RNF25: variants seen among roughly 807,000 people sequenced by gnomAD.
The protein encoded by RNF25 is E3 ubiquitin-protein ligase RNF25.
Under a neutral mutation model 65.0 loss-of-function variants are expected in RNF25, and 32 were observed. That is an observed-to-expected ratio of 0.49 (90% CI 0.37 to 0.66). The LOEUF is 0.66. RNF25 is among the 30% of genes least tolerant of loss of function. RNF25 has a pLI of 0.00. For missense variants in RNF25, 493 were observed against 584.8 expected, an observed-to-expected ratio of 0.84 and a Z score of 1.62; for synonymous variants, 207 against 221.2, an observed-to-expected ratio of 0.94 and a Z score of 0.57.
chr2:218,669,300 G>A (rs1939899514), intron 1 of RNF25, among the ~76,000 whole-genome samples: 1 of 152,200 alleles, frequency 6.6e-6, no homozygotes, highest in African/African-American at 2.4e-5. Flanking sequence ...TGACCTCTCT[G>A]TAAGCTTAAG....
At position 218,671,987 on chromosome 2, in the gene RNF25, A is replaced by G. The variant is rs1415655491; in HGVS notation, c.-17T>C. On this transcript the variant is annotated 5_prime_UTR_variant, in exon 1 of 10. Coordinates refer to ENST00000295704, the MANE Select transcript of RNF25 (RefSeq NM_022453.3). Reference sequence around the variant, plus strand: ...CGCCGCCATATCTTCACCGGCCCGCAGCCGGAACCGGAAATGCCCTTAGGG... The same window carrying G: ...CGCCGCCATATCTTCACCGGCCCGCGGCCGGAACCGGAAATGCCCTTAGGG... The G allele has an allele frequency of 6.2e-7, 1 of 1,614,082 alleles. No homozygotes were observed. The highest frequency in any genetic ancestry group is 1.3e-5 in the African/African-American group (1 of 74,936).
rs1016397065 is a variant in RNF25, at chr2:218,671,831, C to T, written c.41+99G>A. On this transcript the variant is annotated intron_variant, in intron 1 of 9. Transcript: ENST00000295704. ...CATCTCTGCCATCCCTCATCCCTCG[C>T]TCCACCCCACACGCCCGCCGTACGG... The T allele has an allele frequency of 8.2e-6, 11 of 1,346,600 alleles. No individual in the cohort carries two copies. The African/African-American group carries it at 1.2e-4, about 14-fold the overall frequency. The allele number at this position is 1,346,600 out of a possible 1,614,324, so 83.4% of individuals were successfully genotyped here.
intron 5 of RNF25, 59 bp from the exon 6 acceptor site, chr2:218,666,289 G>T: frequency 7.3e-7 from 1 of 1,368,456 alleles, no homozygotes; most frequent in Non-Finnish European, 1.0e-6. Flanking sequence ...AGCAAGGCCT[G>T]TCTACTACTC....
At position 218,664,558 on chromosome 2, in the gene RNF25, A is replaced by G; in HGVS notation, c.802-23T>C. On this transcript the variant is annotated intron_variant, in intron 9 of 9. Transcript: ENST00000295704. This position sits in a 1 kb window ranked among gnomAD's most constrained non-coding sequence, Gnocchi z 5.1. ...AGGCTAGAAATAAGTGACAAGATGC[A>G]GTGAGGGAGATGCAGTTCCTCAAGG... The G allele has an allele frequency of 3.7e-6, 6 of 1,604,916 alleles. No homozygotes were observed. The highest frequency in any genetic ancestry group is 5.1e-6 in the Non-Finnish European group (6 of 1,174,550).
intron 5 of RNF25, among the ~76,000 whole-genome samples, chr2:218,666,775 G>A (rs143628718): frequency 3.3e-4 from 51 of 152,352 alleles, no homozygotes; most frequent in African/African-American, 1.2e-3. Context: ...CTGCATTGTG[G>A]AGGCCTGACC....
At chr2:218,669,405 T>A (rs1018615777) in intron 1 of RNF25, among the ~76,000 whole-genome samples, 26 of 152,226 alleles carry the variant, frequency 1.7e-4, no homozygotes, top group African/African-American at 6.0e-4. Context: ...CCTAATAGTA[T>A]CTGGGCTATC....
rs35556340 is a variant in RNF25 at position 218,671,266 on chromosome 2, C to CT, written c.41+663dup. ...TATTCTGAGGTAAATGCCACACCCA[C>CT]TTTTTTTTTTTACAGCTGAGGACAC... On this transcript the variant is annotated intron_variant, in intron 1 of 9. Coordinates refer to ENST00000295704, the MANE Select transcript of RNF25 (RefSeq NM_022453.3). 2.7e-3 allele frequency among the ~76,000 whole-genome samples: 393 copies of CT among 148,028 alleles called. 1 individual carries two copies. The highest frequency in any genetic ancestry group is 3.4e-3 in the Middle Eastern group (1 of 290).
Position 218,668,224 on chromosome 2 carries a change from C to G in RNF25, c.219+15G>C. On this transcript the variant is annotated intron_variant, in intron 3 of 9. Coordinates refer to ENST00000295704, the MANE Select transcript of RNF25 (RefSeq NM_022453.3). ...TCCCCTTCCTCCCTTTGCTGCCACACAGTAGGGGCTTCACCTCTGCTGGGA... is the reference window on the plus strand; with the variant it reads ...TCCCCTTCCTCCCTTTGCTGCCACAGAGTAGGGGCTTCACCTCTGCTGGGA... 1 of 1,613,506 alleles carries G rather than the reference C, an allele frequency of 6.2e-7. No homozygotes were observed. The highest frequency in any genetic ancestry group is 8.5e-7 in the Non-Finnish European group (1 of 1,179,426).
Position 218,664,995 on chromosome 2 carries a change from A to C in RNF25, c.667-122T>G. The C allele has an allele frequency of 6.7e-7, 1 of 1,487,328 alleles. No individual in the cohort carries two copies. The highest frequency in any genetic ancestry group is 9.2e-7 in the Non-Finnish European group (1 of 1,091,958). 92.1% of individuals were successfully genotyped at this position (1,487,328 alleles called of 1,614,324 possible). On this transcript the variant is annotated intron_variant, in intron 8 of 9. Coordinates refer to ENST00000295704, the MANE Select transcript of RNF25 (RefSeq NM_022453.3). The surrounding 1 kb of genome is among the most constrained non-coding windows in gnomAD (Gnocchi z 5.1). ...TTGCCCCTCAGGTCTGGGCTCCCAG[A>C]GTCTTAGGCTCCCGCCAGTGGGGGA...
chr2:218,666,372 GT>G, intron 5 of RNF25, 142 bp from the exon 6 acceptor site: 2 of 657,232 alleles, frequency 3.0e-6, no homozygotes, highest in Non-Finnish European at 2.7e-6. Flanking sequence ...TTCTGGCTTG[GT>G]GACGCTCCCT....
At position 218,664,242 on chromosome 2, in the gene RNF25, A is replaced by G; in HGVS notation, c.1095T>C (p.Gly365=). ...GTGGCAGTTCCTGGGTGTCACGGGTACCTTTAGGGGCGTGGCACTCCCCTC... is the reference window on the plus strand; with the variant it reads ...GTGGCAGTTCCTGGGTGTCACGGGTGCCTTTAGGGGCGTGGCACTCCCCTC... ...PKGGECHAPK[G]TRDTQELPPP... The change falls in exon 10 of 10, where the codon GGT becomes GGC. Residue 365 remains glycine (G), a synonymous_variant. Coordinates refer to ENST00000295704, the MANE Select transcript of RNF25 (RefSeq NM_022453.3). This position sits in a 1 kb window ranked among gnomAD's most constrained non-coding sequence, Gnocchi z 5.1. The G allele has an allele frequency of 6.2e-7, 1 of 1,600,194 alleles. No homozygotes were observed.
Position 218,664,931 on chromosome 2 carries a change from C to T in RNF25, c.667-58G>A. 1.2e-6 allele frequency: 2 copies of T among 1,604,360 alleles called. No homozygotes were observed. The highest frequency in any genetic ancestry group is 1.7e-6 in the Non-Finnish European group (2 of 1,175,120). ...AACAGCAGAAGGCTGACTCAAACCT[C>T]TACTCCTCCCAGGCTGCCTCAGGAG... On this transcript the variant is annotated intron_variant, in intron 8 of 9. Transcript: ENST00000295704. The surrounding 1 kb of genome is among the most constrained non-coding windows in gnomAD (Gnocchi z 5.1).
chr2:218,670,034 G>A (rs891643551), intron 1 of RNF25, among the ~76,000 whole-genome samples: 4 of 151,826 alleles, frequency 2.6e-5, no homozygotes, highest in East Asian at 1.9e-4. Flanking sequence ...GCAACAAAGC[G>A]AGACACTATC....
chr2:218,667,886 A>G (rs753976848), intron 5 of RNF25, 26 bp downstream of exon 5: 3 of 1,605,796 alleles, frequency 1.9e-6, no homozygotes, highest in South Asian at 2.2e-5. Context: ...AGGAAAGAAC[A>G]TATCTCAGAC....
Position 218,664,795 on chromosome 2 carries a change from C to G in RNF25, c.745G>C (p.Gly249Arg), listed in dbSNP as rs777134167. Residue 249 changes from glycine (G) to arginine (R), a missense_variant, in exon 9 of 10, where the codon GGG (glycine) becomes CGG (arginine). Gly to Arg is a moderately radical substitution (Grantham distance 125). Transcript: ENST00000295704. The surrounding 1 kb of genome is among the most constrained non-coding windows in gnomAD (Gnocchi z 5.1). Reference protein sequence around the residue: ...KRLYQRQQERGGIIDLEAERN... With the variant: ...KRLYQRQQERRGIIDLEAERN... Reference sequence around the variant, plus strand: ...TCAGCCTCAAGGTCAATGATTCCCCCCCGCTCCTGCTGCCTCTGGTAGAGC... The same window carrying G: ...TCAGCCTCAAGGTCAATGATTCCCCGCCGCTCCTGCTGCCTCTGGTAGAGC... 2.5e-6 allele frequency: 4 copies of G among 1,614,140 alleles called. No homozygotes were observed. The highest frequency in any genetic ancestry group is 1.3e-5 in the African/African-American group (1 of 74,954).
rs754095085 is a variant in RNF25, at chr2:218,671,957, G to T, written c.14C>A (p.Ala5Glu). Reference protein sequence around the residue: MAASASAAAGEEDWV... With the variant: MAASESAAAGEEDWV... Reference sequence around the variant, plus strand: ...GTCCTCCTCCCCTGCAGCTGCAGACGCAGACGCCGCCATATCTTCACCGGC... The same window carrying T: ...GTCCTCCTCCCCTGCAGCTGCAGACTCAGACGCCGCCATATCTTCACCGGC... Residue 5 changes from alanine (A) to glutamate (E), a missense_variant, in exon 1 of 10, where the codon GCG (alanine) becomes GAG (glutamate). This residue lies in a region of RNF25 where 34 missense variants were observed against 18.6 expected (regional missense o/e 1.83). Transcript: ENST00000295704. 22 of 1,614,070 alleles carry T rather than the reference G, an allele frequency of 1.4e-5. No individual in the cohort carries two copies. In the African/African-American group the frequency reaches 2.0e-4, roughly 15 times the overall value.
intron 7 of RNF25, among the ~76,000 whole-genome samples, 172 bp from the exon 8 acceptor site, chr2:218,665,419 C>T (rs1246188192): frequency 1.3e-5 from 2 of 152,070 alleles, no homozygotes; most frequent in African/African-American, 2.4e-5. Context: ...GGGAACCCCC[C>T]GAAACTGCAT....
At position 218,664,576 on chromosome 2, in the gene RNF25, C is replaced by T. The variant is rs1229455676; in HGVS notation, c.802-41G>A. The T allele has an allele frequency of 6.3e-7, 1 of 1,594,542 alleles. No individual in the cohort carries two copies. Among genetic ancestry groups the T allele is most frequent in the Non-Finnish European group, 8.6e-7 (1 of 1,168,194 alleles). On this transcript the variant is annotated intron_variant, in intron 9 of 9. Coordinates refer to ENST00000295704, the MANE Select transcript of RNF25 (RefSeq NM_022453.3). The surrounding 1 kb of genome is among the most constrained non-coding windows in gnomAD (Gnocchi z 5.1). ...AAGATGCAGTGAGGGAGATGCAGTT[C>T]CTCAAGGTGGGGAACTACAGGCCCC...
Position 218,667,945 on chromosome 2 carries a change from C to T in RNF25, c.324G>A (p.Gly108=). 16 of 1,614,212 alleles carry T rather than the reference C, an allele frequency of 9.9e-6. No homozygotes were observed. The highest frequency in any genetic ancestry group is 1.4e-5 in the Non-Finnish European group (16 of 1,180,034). Residue 108 remains glycine (G), a synonymous_variant, in exon 5 of 10, where the codon GGG becomes GGA. Coordinates refer to ENST00000295704, the MANE Select transcript of RNF25 (RefSeq NM_022453.3). The stretch of plus-strand genomic sequence containing the variant: ...GTTCATACAGCATGGCAGTGCCCAG[C>T]CCAGCCTTGGCCACGTGGCCCAGCA... The part of the protein sequence containing the change: ...LQVLGHVAKA[G]LGTAMLYELI...
Sources: gnomAD v4.1 joint callset for allele counts (sites outside exome capture counted in the v4.1 genomes callset) on GRCh38, gnomAD v4.1.1 for gene constraint, gnomAD v4.1.1 regional missense constraint, Gnocchi (gnomAD v3.1) non-coding constraint, MANE v1.5 for transcripts, NCBI Gene and HGNC (gene_info 2026-07-23, HGNC 2026-07-21) for gene names.